Variants in DMRT1 observed in about 807,000 individuals in gnomAD.
DMRT1 encodes the protein doublesex- and mab-3-related transcription factor 1.
DMRT1 carries 7 observed loss-of-function variants against 32.3 expected under a neutral mutation model. The observed-to-expected ratio is 0.22, with a 90% CI of 0.12 to 0.41. The LOEUF (loss-of-function observed/expected upper bound fraction) is 0.41. Ranked by LOEUF, DMRT1 falls within the 10% of genes least tolerant of loss-of-function variation. DMRT1 has a pLI of 1.00. For missense variants in DMRT1, 625 were observed against 500.5 expected (o/e 1.25, Z -2.37); for synonymous variants, 278 against 206.1 (o/e 1.35, Z -2.99).
intron 3 of DMRT1, among the ~76,000 whole-genome samples, chr9:915,211 C>G (rs970214585): frequency 2.0e-5 from 3 of 152,152 alleles, no homozygotes; most frequent in Non-Finnish European, 2.9e-5. Flanking sequence ...TGAAGTCCAG[C>G]TCTGTTGTTG....
At chr9:892,573 A>C (rs1817193625) in intron 2 of DMRT1, among the ~76,000 whole-genome samples, 1 of 152,106 alleles carries the variant, frequency 6.6e-6, no homozygotes, top group African/African-American at 2.4e-5. Flanking sequence ...CAGGCCTTAG[A>C]GTTCTGGTCT....
At chr9:947,686 C>T (rs1053749092) in intron 4 of DMRT1, among the ~76,000 whole-genome samples, 5 of 152,072 alleles carry the variant, frequency 3.3e-5, no homozygotes, top group Non-Finnish European at 5.9e-5. Flanking sequence ...TGCAGTGGCG[C>T]GATCTCGGCT....
chr9:923,422 G>A (rs1818418074), intron 4 of DMRT1, among the ~76,000 whole-genome samples: 1 of 152,084 alleles, frequency 6.6e-6, no homozygotes, highest in Admixed American at 6.6e-5. Context: ...TGAGAGCCTC[G>A]ATTTCCTTAC....
chr9:943,542 G>A (rs1197625026), intron 4 of DMRT1, among the ~76,000 whole-genome samples: 2 of 152,224 alleles, frequency 1.3e-5, no homozygotes, highest in Non-Finnish European at 2.9e-5. Context: ...TTCTGTGCAA[G>A]TAATACACAG....
rs764833251 is a variant in DMRT1, at chr9:841,972, C to G, written c.134C>G (p.Ser45Trp). ...SGALVGAASG[S>W]SAGGSSRGGG... ...GCGCTAGTGGGGGCGGCCAGCGGCTCGAGCGCCGGGGGCAGCAGCAGAGGA... is the reference window on the plus strand; with the variant it reads ...GCGCTAGTGGGGGCGGCCAGCGGCTGGAGCGCCGGGGGCAGCAGCAGAGGA... Residue 45 changes from serine to tryptophan, a missense_variant, in exon 1 of 5, where the codon TCG (serine) becomes TGG (tryptophan). Ser to Trp is a radical substitution (Grantham distance 177, BLOSUM62 -3). This residue lies in a region of DMRT1 where 201 missense variants were observed against 152.0 expected (regional missense o/e 1.32). Transcript: ENST00000382276. The G allele has an allele frequency of 7.0e-6, 11 of 1,582,386 alleles. No individual in the cohort carries two copies. The highest frequency in any genetic ancestry group is 1.3e-5 in the African/African-American group (1 of 74,280).
At chr9:873,903 A>G (rs531325086) in intron 2 of DMRT1, among the ~76,000 whole-genome samples, 1 of 152,224 alleles carries the variant, frequency 6.6e-6, no homozygotes, top group African/African-American at 2.4e-5. Context: ...TACTCCCCCC[A>G]AAATTCAATT....
chr9:962,816 C>T lies in DMRT1; in HGVS notation c.968-5169C>T, dbSNP rs140486725. On this transcript the variant is annotated intron_variant, in intron 4 of 4. Transcript: ENST00000382276. ...AGTGGGGGAGTAAGTTTGATGGGTG[C>T]ATTATCACTTAGTTTCACAAGCAGC... is the stretch of plus-strand genomic sequence containing the variant. Among the ~76,000 whole-genome samples the T allele has an allele frequency of 2.8e-3, 433 of 152,138 alleles. 7 individuals carry two copies. Among genetic ancestry groups the T allele is most frequent in the African/African-American group, 0.01 (425 of 41,496 alleles).
At chr9:880,739 A>AAAAAG (rs1564219567) in intron 2 of DMRT1, among the ~76,000 whole-genome samples, 3 of 149,216 alleles carry the variant, frequency 2.0e-5, no homozygotes, top group Non-Finnish European at 3.0e-5. Context: ...AAAAAAAAAA[A>AAAAAG]AAAAGAAAAG....
chr9:899,097 T>C (rs991502044), intron 3 of DMRT1, among the ~76,000 whole-genome samples: 1 of 152,176 alleles, frequency 6.6e-6, no homozygotes, highest in African/African-American at 2.4e-5. Flanking sequence ...TTTTGTATGT[T>C]GATTTTTGTA....
chr9:870,708 A>ATTTTTTTT (rs1564211315), intron 2 of DMRT1, among the ~76,000 whole-genome samples: 13 of 36,222 alleles, frequency 3.6e-4, no homozygotes, highest in Non-Finnish European at 4.7e-4. Flanking sequence ...CATTTTCTTG[A>ATTTTTTTT]CTTTTTTTTT....
chr9:888,334 C>A (rs1817011394), intron 2 of DMRT1, among the ~76,000 whole-genome samples: 2 of 148,804 alleles, frequency 1.3e-5, no homozygotes, highest in Admixed American at 1.4e-4. Flanking sequence ...GAGACAGAGT[C>A]TTGCCCCTTT....
chr9:943,983 A>C (rs889593571), intron 4 of DMRT1, among the ~76,000 whole-genome samples: 2 of 152,076 alleles, frequency 1.3e-5, no homozygotes, highest in African/African-American at 4.8e-5. Context: ...AATGGTTGAG[A>C]GTACTGTGTT....
chr9:930,409 TAA>T (rs199871406), intron 4 of DMRT1, among the ~76,000 whole-genome samples: 1 of 151,562 alleles, frequency 6.6e-6, no homozygotes, highest in Non-Finnish European at 1.5e-5. Context: ...TTTTTTTTAT[TAA>T]AAAAATTTTT....
intron 3 of DMRT1, among the ~76,000 whole-genome samples, chr9:896,824 A>G (rs1315885209): frequency 6.6e-6 from 1 of 151,994 alleles, no homozygotes; most frequent in Non-Finnish European, 1.5e-5. Flanking sequence ...AAAGAAAAAA[A>G]GAATTGACTT....
chr9:930,688 A>T (rs527896765), intron 4 of DMRT1, among the ~76,000 whole-genome samples: 5 of 152,052 alleles, frequency 3.3e-5, no homozygotes, highest in Non-Finnish European at 7.4e-5. Flanking sequence ...GATTACAGAC[A>T]TGAGCCACCG....
intron 2 of DMRT1, among the ~76,000 whole-genome samples, chr9:891,664 G>A (rs1403523279): frequency 2.0e-5 from 3 of 150,570 alleles, no homozygotes; most frequent in Admixed American, 2.0e-4. Context: ...GCAAGCATAC[G>A]CCACCACGCC....
Position 873,209 on chromosome 9 carries a change from T to A in DMRT1, c.539-20703T>A, listed in dbSNP as rs975724690. On this transcript the variant is annotated intron_variant, in intron 2 of 4. Transcript: ENST00000382276. ...TCATGCACTTTGTGCCATTTTTGTC[T>A]GTCTTCTTTAGAGAAAATGGTTATT... is the stretch of plus-strand genomic sequence containing the variant. Among the ~76,000 whole-genome samples the A allele has an allele frequency of 3.9e-5, 6 of 152,252 alleles. 1 individual carries two copies. Among genetic ancestry groups the A allele is most frequent in the Non-Finnish European group, 8.8e-5 (6 of 68,042 alleles).
chr9:858,934 A>G (rs1299863673), intron 2 of DMRT1, among the ~76,000 whole-genome samples: 1 of 151,592 alleles, frequency 6.6e-6, no homozygotes, highest in Admixed American at 6.6e-5. Context: ...GTTCAGTGGT[A>G]TTAGGTACAT....
intron 4 of DMRT1, among the ~76,000 whole-genome samples, chr9:967,315 A>T (rs888210943): frequency 6.6e-6 from 1 of 152,312 alleles, no homozygotes; most frequent in Non-Finnish European, 1.5e-5. Context: ...TGGGTTTTCC[A>T]GTGGAGTTTT....
Sources: allele counts gnomAD v4.1 joint callset (sites outside exome capture counted in the v4.1 genomes callset), GRCh38; gene constraint gnomAD v4.1.1; regional missense constraint gnomAD v4.1.1; transcripts MANE v1.5; gene names NCBI Gene and HGNC (gene_info 2026-07-23, HGNC 2026-07-21).